AGTPBP1: variants seen among roughly 807,000 people sequenced by gnomAD.
The protein encoded by AGTPBP1 is cytosolic carboxypeptidase 1.
A neutral mutation model predicts 143.9 loss-of-function variants in AGTPBP1; 70 were observed. The ratio of observed to expected loss-of-function variants is 0.49; its 90% CI spans 0.40 to 0.59. The LOEUF is 0.59. Among genes scored for constraint, AGTPBP1 ranks in the 20% least tolerant of loss-of-function variants. The pLI is 0.00. For missense variants in AGTPBP1, 1,229 were observed against 1,464.5 expected (o/e 0.84, Z 2.62); for synonymous variants, 463 against 500.2 (o/e 0.93, Z 0.99).
At chr9:85,798,066 T>C in the AGTPBP1 span, among the ~76,000 whole-genome samples, 6 of 151,898 alleles carry the variant, frequency 4.0e-5, no homozygotes, top group Non-Finnish European at 8.8e-5. Flanking sequence ...TATTTTTTTT[T>C]TTTTTTTGTA....
At chr9:85,683,767 T>A (rs1255909270) in intron 3 of AGTPBP1, among the ~76,000 whole-genome samples, 1 of 152,152 alleles carries the variant, frequency 6.6e-6, no homozygotes, top group Non-Finnish European at 1.5e-5. Context: ...ATCCCTAATC[T>A]TCTACTTATG....
intron 25 of AGTPBP1, among the ~76,000 whole-genome samples, chr9:85,569,312 T>C (rs546722010): frequency 6.6e-6 from 1 of 152,238 alleles, no homozygotes; most frequent in Admixed American, 6.5e-5. Flanking sequence ...ACCAATAATG[T>C]AAATAATGAC....
the AGTPBP1 span, among the ~76,000 whole-genome samples, chr9:85,775,279 G>T: frequency 3.3e-5 from 5 of 151,780 alleles, no homozygotes; most frequent in Non-Finnish European, 1.5e-5. Flanking sequence ...CTCCAGCCTG[G>T]GTGACAGAGT....
chr9:85,701,680 T>C (rs1247914041), intron 2 of AGTPBP1, among the ~76,000 whole-genome samples: 4 of 152,188 alleles, frequency 2.6e-5, no homozygotes, highest in African/African-American at 7.2e-5. Flanking sequence ...TCTGACAGAT[T>C]GCTTTATAAA....
chr9:85,639,332 C>A (rs1264901754), intron 13 of AGTPBP1, among the ~76,000 whole-genome samples: 6 of 150,538 alleles, frequency 4.0e-5, no homozygotes, highest in African/African-American at 9.7e-5. Flanking sequence ...CCTATCTATG[C>A]ATGCATACAT....
At chr9:85,798,333 T>A in the AGTPBP1 span, among the ~76,000 whole-genome samples, 1 of 151,688 alleles carries the variant, frequency 6.6e-6, no homozygotes, top group Non-Finnish European at 1.5e-5. Context: ...TTTTCTGGCT[T>A]TCTGTACTGC....
chr9:85,621,157 A>C, intron 15 of AGTPBP1, 45 bp downstream of exon 15: 1 of 1,128,792 alleles, frequency 8.9e-7, no homozygotes, highest in Non-Finnish European at 1.2e-6. Flanking sequence ...AAAATTTTAT[A>C]GAAAAACTTA....
At chr9:85,741,679 C>T (rs910731036) in intron 1 of AGTPBP1, 96 bp downstream of exon 1, 3 of 1,257,122 alleles carry the variant, frequency 2.4e-6, no homozygotes, top group Admixed American at 8.5e-5. Flanking sequence ...GGGGTCGCCC[C>T]TCCTACCCCC....
rs34248388 is a variant in AGTPBP1 at position 85,698,679 on chromosome 9, CTTTTTTTTTTTTTTTT to C, written c.33-5882_33-5867del. On this transcript the variant is annotated intron_variant, in intron 2 of 25. Transcript: ENST00000357081. ...GGAAATGTATCTTCCCCACCTAACC[CTTTTTTTTTTTTTTTT>C]TTTTTTTTTTTTTTTGAGAAGCAGT... Among the ~76,000 whole-genome samples, 264 of 76,596 alleles carry C rather than the reference CTTTTTTTTTTTTTTTT, an allele frequency of 3.4e-3. 1 individual carries two copies. Among genetic ancestry groups the C allele is most frequent in the African/African-American group, 0.014 (250 of 17,414 alleles). 50.2% of individuals were successfully genotyped at this position (76,596 alleles called of 152,430 possible). A position where few individuals can be genotyped will look rare whatever the true frequency, so the allele number is the denominator to read the frequency against.
chr9:85,574,753 G>A (rs1268213293), intron 25 of AGTPBP1, among the ~76,000 whole-genome samples: 3 of 150,552 alleles, frequency 2.0e-5, no homozygotes, highest in Non-Finnish European at 4.4e-5. Flanking sequence ...CTGTTGCTCA[G>A]GCTAGAGTGC....
chr9:85,789,577 T>TG, the AGTPBP1 span, among the ~76,000 whole-genome samples: 1 of 152,172 alleles, frequency 6.6e-6, no homozygotes, highest in East Asian at 1.9e-4. Flanking sequence ...GAACCACAGG[T>TG]GGTGAGAACA....
chr9:85,705,260 A>C (rs1327616482), intron 2 of AGTPBP1, among the ~76,000 whole-genome samples: 1 of 152,078 alleles, frequency 6.6e-6, no homozygotes, highest in African/African-American at 2.4e-5. Context: ...CATCATAATC[A>C]AACCTTCCAA....
At chr9:85,674,773 C>T (rs1834717400) in intron 6 of AGTPBP1, among the ~76,000 whole-genome samples, 1 of 152,118 alleles carries the variant, frequency 6.6e-6, no homozygotes, top group South Asian at 2.1e-4. Context: ...TAAAGATATG[C>T]TAGAAATACG....
intron 11 of AGTPBP1, among the ~76,000 whole-genome samples, chr9:85,649,515 C>T (rs1833019549): frequency 6.6e-6 from 1 of 152,138 alleles, no homozygotes; most frequent in South Asian, 2.1e-4. Flanking sequence ...GTAATATCCT[C>T]CACAGATACT....
At chr9:85,761,444 G>C in the AGTPBP1 span, among the ~76,000 whole-genome samples, 1 of 152,160 alleles carries the variant, frequency 6.6e-6, no homozygotes, top group Non-Finnish European at 1.5e-5. Context: ...CAATGGAACA[G>C]AGCAGAGCCC....
the AGTPBP1 span, among the ~76,000 whole-genome samples, chr9:85,801,129 T>A: frequency 6.6e-6 from 1 of 151,982 alleles, no homozygotes; most frequent in Non-Finnish European, 1.5e-5. Context: ...CTGGCCATCA[T>A]GGTGAAATCC....
At chr9:85,693,334 C>T (rs891107776) in intron 2 of AGTPBP1, among the ~76,000 whole-genome samples, 1 of 152,214 alleles carries the variant, frequency 6.6e-6, no homozygotes, top group Non-Finnish European at 1.5e-5. Context: ...GGCACAGAGG[C>T]TCACACCTGT....
rs1002657178 is a variant in AGTPBP1 at position 85,642,475 on chromosome 9, C to A, written c.1302+352G>T. On this transcript the variant is annotated intron_variant, in intron 13 of 25. Transcript: ENST00000357081. ...TCCCAAGTAACTGGGACTGCAGGAA[C>A]GTGCCACCACACCCAGCTAATTTTT... Among the ~76,000 whole-genome samples the A allele has an allele frequency of 7.9e-5, 12 of 151,838 alleles. No homozygotes were observed. In the East Asian group the frequency reaches 2.3e-3, roughly 30 times the overall value.
intron 1 of AGTPBP1, among the ~76,000 whole-genome samples, chr9:85,739,010 A>C (rs906984738): frequency 1.3e-5 from 2 of 152,214 alleles, no homozygotes; most frequent in Non-Finnish European, 2.9e-5. Flanking sequence ...ATATCTTAAG[A>C]GTATACACTA....
Sources: gnomAD v4.1 joint callset for allele counts (sites outside exome capture counted in the v4.1 genomes callset) on GRCh38, gnomAD v4.1.1 for gene constraint, MANE v1.5 for transcripts, NCBI Gene and HGNC (gene_info 2026-07-23, HGNC 2026-07-21) for gene names.